Variants in FGF1 observed in about 807,000 individuals in gnomAD.
The protein encoded by FGF1 is fibroblast growth factor 1, also known as beta-endothelial cell growth factor.
Under a neutral mutation model 13.4 loss-of-function variants are expected in FGF1, and 9 were observed. That is an observed-to-expected ratio of 0.67 (90% CI 0.40 to 1.17). The LOEUF is 1.17. FGF1 is among the 50% of genes most tolerant of loss of function. FGF1 has a pLI of 0.01. For missense variants in FGF1, 156 were observed against 192.7 expected, an observed-to-expected ratio of 0.81 and a Z score of 1.13; for synonymous variants, 93 against 79.0, an observed-to-expected ratio of 1.18 and a Z score of -0.94.
At chr5:142,692,984 T>G (rs977455565) in intron 2 of FGF1, among the ~76,000 whole-genome samples, 3 of 152,224 alleles carry the variant, frequency 2.0e-5, no homozygotes, top group African/African-American at 7.2e-5. Flanking sequence ...GAAACACTTT[T>G]GGAAGCATGA....
intron 2 of FGF1, among the ~76,000 whole-genome samples, chr5:142,694,322 A>T (rs1460843223): frequency 6.6e-6 from 1 of 152,168 alleles, no homozygotes; most frequent in Non-Finnish European, 1.5e-5. Context: ...AATGGAAGGA[A>T]GGTGAGAACA....
At chr5:142,619,872 G>C (rs983931000) in intron 1 of FGF1, among the ~76,000 whole-genome samples, 1 of 151,414 alleles carries the variant, frequency 6.6e-6, no homozygotes, top group Admixed American at 6.6e-5. Context: ...AAAACCCTGT[G>C]CTATTCCAAA....
chr5:142,601,832 C>T (rs892838275), intron 2 of FGF1, among the ~76,000 whole-genome samples: 1 of 152,204 alleles, frequency 6.6e-6, no homozygotes, highest in Non-Finnish European at 1.5e-5. Flanking sequence ...GTGCTGGACA[C>T]TTAATTGGAA....
chr5:142,673,506 T>C (rs1240873724), intron 1 of FGF1, among the ~76,000 whole-genome samples: 1 of 152,246 alleles, frequency 6.6e-6, no homozygotes, highest in African/African-American at 2.4e-5. Context: ...CTATTGCTTA[T>C]ACAATTCTAT....
intron 1 of FGF1, among the ~76,000 whole-genome samples, chr5:142,621,865 A>G (rs1761696076): frequency 6.6e-6 from 1 of 151,536 alleles, no homozygotes; most frequent in Non-Finnish European, 1.5e-5. Flanking sequence ...CTTTCTCTCT[A>G]CCCTACTCCC....
At chr5:142,673,340 T>C (rs972292019) in intron 1 of FGF1, among the ~76,000 whole-genome samples, 12 of 152,116 alleles carry the variant, frequency 7.9e-5, no homozygotes, top group African/African-American at 2.9e-4. Context: ...TCTCAGCCAA[T>C]GATACAAAGA....
intron 2 of FGF1, among the ~76,000 whole-genome samples, chr5:142,607,321 G>A (rs1173954904): frequency 6.6e-6 from 1 of 152,178 alleles, no homozygotes; most frequent in Non-Finnish European, 1.5e-5. Flanking sequence ...CAGAGCAAAT[G>A]AGGAGCAAGC....
At chr5:142,600,539 T>C (rs145540744) in intron 3 of FGF1, among the ~76,000 whole-genome samples, 163 bp downstream of exon 3, 1 of 152,376 alleles carries the variant, frequency 6.6e-6, no homozygotes, top group South Asian at 2.1e-4. Flanking sequence ...AACTCTTTTA[T>C]GTTTGTGCCT....
intron 1 of FGF1, among the ~76,000 whole-genome samples, chr5:142,636,689 A>G (rs1294488426): frequency 6.6e-6 from 1 of 150,486 alleles, no homozygotes; most frequent in Non-Finnish European, 1.5e-5. Context: ...GAGACTTCGG[A>G]AGACTTCTTA....
At chr5:142,674,365 G>C (rs1772081394) in intron 1 of FGF1, among the ~76,000 whole-genome samples, 1 of 152,136 alleles carries the variant, frequency 6.6e-6, no homozygotes, top group Non-Finnish European at 1.5e-5. Context: ...GGGCCCACCT[G>C]GGGTAGGTGC....
intron 1 of FGF1, among the ~76,000 whole-genome samples, chr5:142,646,208 C>CAT (rs1766053362): frequency 1.8e-5 from 1 of 54,916 alleles, no homozygotes; most frequent in African/African-American, 7.2e-5. Context: ...CGCACCTGGC[C>CAT]TTTTTTTTTT....
chr5:142,646,633 G>A (rs1333217957), intron 1 of FGF1, among the ~76,000 whole-genome samples: 1 of 152,174 alleles, frequency 6.6e-6, no homozygotes, highest in Non-Finnish European at 1.5e-5. Flanking sequence ...TTACAGGCGT[G>A]AGCCACTGCG....
chr5:142,633,140 C>T (rs918463242), intron 1 of FGF1, among the ~76,000 whole-genome samples: 1 of 152,078 alleles, frequency 6.6e-6, no homozygotes, highest in Non-Finnish European at 1.5e-5. Flanking sequence ...AAGAAGGTCT[C>T]AATCTCTTGA....
At chr5:142,597,884 G>C (rs1755634222) in intron 3 of FGF1, among the ~76,000 whole-genome samples, 1 of 152,156 alleles carries the variant, frequency 6.6e-6, no homozygotes, top group African/African-American at 2.4e-5. Flanking sequence ...CATTTAATTT[G>C]ATTCTTGAGA....
upstream of FGF1, among the ~76,000 whole-genome samples, chr5:142,689,054 A>AT (rs572067642): frequency 2.0e-4 from 30 of 152,022 alleles, no homozygotes; most frequent in East Asian, 3.9e-4. Context: ...CAATATATAC[A>AT]TTTTTTTTCT....
chr5:142,611,799 G>A (rs1215709350), intron 2 of FGF1, among the ~76,000 whole-genome samples: 1 of 152,168 alleles, frequency 6.6e-6, no homozygotes, highest in African/African-American at 2.4e-5. Context: ...CCTGCATCTA[G>A]CCCCTTGACT....
rs1294090418 is a variant in FGF1 at position 142,602,992 on chromosome 5, T to C, written c.170-2187A>G. Among the ~76,000 whole-genome samples, 4 of 152,160 alleles carry C rather than the reference T, an allele frequency of 2.6e-5. No homozygotes were observed. The East Asian group carries it at 7.7e-4, about 29-fold the overall frequency. On this transcript the variant is annotated intron_variant, in intron 2 of 3. Coordinates refer to ENST00000337706, the MANE Select transcript of FGF1 (RefSeq NM_000800.5). Reference sequence around the variant, plus strand: ...TTTGCTATAGAGACTCAGGACTTCCTCTAGCTTCCAGTGGCAACTGGAGTT... The same window carrying C: ...TTTGCTATAGAGACTCAGGACTTCCCCTAGCTTCCAGTGGCAACTGGAGTT...
rs117095506 is a variant in FGF1 at position 142,682,871 on chromosome 5, G to C, written c.-35+3086C>G. Among the ~76,000 whole-genome samples the C allele has an allele frequency of 1.1e-4, 16 of 152,138 alleles. No homozygotes were observed. The East Asian group carries it at 2.9e-3, about 28-fold the overall frequency. On this transcript the variant is annotated intron_variant, in intron 1 of 3. Coordinates refer to ENST00000337706, the MANE Select transcript of FGF1 (RefSeq NM_000800.5). ...CTGTAGGCCACTGGCCCAGATGCTT[G>C]TTCTTGTTCCTGTACCTTGGACTCC...
At chr5:142,605,433 T>C (rs1399183275) in intron 2 of FGF1, among the ~76,000 whole-genome samples, 1 of 152,110 alleles carries the variant, frequency 6.6e-6, no homozygotes, top group African/African-American at 2.4e-5. Context: ...TCAAAGAAGA[T>C]TTTTAAAAAG....
Sources: gnomAD v4.1 joint callset for allele counts (sites outside exome capture counted in the v4.1 genomes callset) on GRCh38, gnomAD v4.1.1 for gene constraint, MANE v1.5 for transcripts, NCBI Gene and HGNC (gene_info 2026-07-23, HGNC 2026-07-21) for gene names.